Variants in EPB41L4A observed in about 807,000 individuals in gnomAD.
The protein encoded by EPB41L4A is band 4.1-like protein 4A.
EPB41L4A carries 100 observed loss-of-function variants against 108.6 expected under a neutral mutation model. The ratio of observed to expected loss-of-function variants is 0.92; its 90% CI spans 0.78 to 1.09. The LOEUF (loss-of-function observed/expected upper bound fraction) is 1.09. EPB41L4A is among the 50% of genes least tolerant of loss of function. The probability of loss-of-function intolerance (pLI) is 0.00; values close to 1 mark genes in which losing one functional copy is unlikely to be tolerated. For missense variants in EPB41L4A, 1,030 were observed against 842.7 expected (o/e 1.22, Z -2.75); for synonymous variants, 319 against 289.0 (o/e 1.10, Z -1.05).
intron 2 of EPB41L4A, among the ~76,000 whole-genome samples, chr5:112,282,469 T>C (rs564731430): frequency 1.3e-5 from 2 of 152,368 alleles, no homozygotes; most frequent in South Asian, 4.1e-4. Flanking sequence ...GCTTAGAGGC[T>C]AAAACAACAC....
rs745918922 is a variant in EPB41L4A, at chr5:112,259,962, C to A, written c.660G>T (p.Glu220Asp). 111 of 1,613,824 alleles carry A rather than the reference C, an allele frequency of 6.9e-5. No individual in the cohort carries two copies. The Admixed American group carries it at 1.8e-3, about 27-fold the overall frequency. ...CAACCGGAGTTAATCCTAAGAAATA[C>A]TCAGACTTGTTTTCTCCCTGCAAAA... is the stretch of plus-strand genomic sequence containing the variant. Reference protein sequence around the residue: ...LHPVYGENKSEYFLGLTPVGV... With the variant: ...LHPVYGENKSDYFLGLTPVGV... Residue 220 changes from glutamate (E) to aspartate (D), a missense_variant, in exon 8 of 23, where the codon GAG (glutamate) becomes GAT (aspartate). Glu to Asp is a conservative substitution (Grantham distance 45). Coordinates refer to ENST00000261486, the MANE Select transcript of EPB41L4A (RefSeq NM_022140.5).
chr5:112,262,683 C>G, intron 6 of EPB41L4A, 102 bp from the exon 7 acceptor site: 3 of 1,002,636 alleles, frequency 3.0e-6, no homozygotes, highest in Non-Finnish European at 4.5e-6. Context: ...ACAAATAATA[C>G]TTTTTACTAA....
chr5:112,182,198 T>C (rs1180972263), intron 18 of EPB41L4A, among the ~76,000 whole-genome samples: 4 of 152,188 alleles, frequency 2.6e-5, no homozygotes, highest in Non-Finnish European at 5.9e-5. Flanking sequence ...ATGGATACAT[T>C]TGTCAAAATT....
intron 1 of EPB41L4A, among the ~76,000 whole-genome samples, chr5:112,394,097 A>G (rs13272837): frequency 3.9e-5 from 6 of 152,208 alleles, no homozygotes; most frequent in South Asian, 4.1e-4. Context: ...ACTCAAAATA[A>G]TAAGAGCTAT....
chr5:112,359,764 T>A lies in EPB41L4A; in HGVS notation c.100-52274A>T, dbSNP rs371370805. ...ACCGTGTTAGCCAGGATGGTCTCCA[T>A]CTCCTGACCTCGTGATCCACCCGCC... is the stretch of plus-strand genomic sequence containing the variant. On this transcript the variant is annotated intron_variant, in intron 1 of 22. Transcript: ENST00000261486. Among the ~76,000 whole-genome samples, 3 of 152,280 alleles carry A rather than the reference T, an allele frequency of 2.0e-5. No homozygotes were observed. The East Asian group carries it at 5.8e-4, about 30-fold the overall frequency.
chr5:112,262,487 T>C lies in EPB41L4A; in HGVS notation c.642+7A>G, dbSNP rs201799792. 14 of 1,610,008 alleles carry C rather than the reference T, an allele frequency of 8.7e-6. No homozygotes were observed. The Admixed American group carries it at 1.7e-4, about 19-fold the overall frequency. ...AAAATATTTTGTGTTAATTAAATGT[T>C]ACTCACATAGACGGGATGGAGGTCA... On this transcript the variant is annotated splice_region_variant and intron_variant, in intron 7 of 22. Coordinates refer to ENST00000261486, the MANE Select transcript of EPB41L4A (RefSeq NM_022140.5).
chr5:112,259,530 T>C (rs1751350527), intron 8 of EPB41L4A, among the ~76,000 whole-genome samples: 1 of 152,202 alleles, frequency 6.6e-6, no homozygotes, highest in South Asian at 2.1e-4. Flanking sequence ...ATTGTGGCAG[T>C]GCTGCCTTCC....
intron 14 of EPB41L4A, among the ~76,000 whole-genome samples, chr5:112,205,072 G>C (rs1427976): frequency 0.033 from 4,976 of 152,220 alleles, 310 homozygotes; most frequent in African/African-American, 0.11. Flanking sequence ...CTATTCATCA[G>C]CTATAGTTTT....
chr5:112,236,129 G>A (rs1373588998), intron 11 of EPB41L4A, among the ~76,000 whole-genome samples: 2 of 152,100 alleles, frequency 1.3e-5, no homozygotes, highest in African/African-American at 4.8e-5. Flanking sequence ...GAACCACTGA[G>A]GCATTTCACA....
intron 1 of EPB41L4A, among the ~76,000 whole-genome samples, chr5:112,350,043 T>C (rs2150728699): frequency 6.6e-6 from 1 of 152,314 alleles, no homozygotes; most frequent in East Asian, 1.9e-4. Context: ...ATGACAGAAA[T>C]ATTCTGTAAT....
chr5:112,168,830 A>G lies in EPB41L4A; in HGVS notation c.1851-10T>C. On this transcript the variant is annotated splice_polypyrimidine_tract_variant and intron_variant, in intron 21 of 22. Transcript: ENST00000261486. ...AAGATCTGTTTTTGAACTGCAGAGA[A>G]TGAGTTTTAGAATTAGTGACTGGAA... is the stretch of plus-strand genomic sequence containing the variant. 3 of 1,611,530 alleles carry G rather than the reference A, an allele frequency of 1.9e-6. No homozygotes were observed. Among genetic ancestry groups the G allele is most frequent in the South Asian group, 1.1e-5 (1 of 91,012 alleles).
chr5:112,353,058 G>A (rs1245718537), intron 1 of EPB41L4A, among the ~76,000 whole-genome samples: 1 of 152,188 alleles, frequency 6.6e-6, no homozygotes, highest in South Asian at 2.1e-4. Context: ...ACATACAGCA[G>A]TGTAGTGCCC....
chr5:112,219,815 C>T (rs1747918635), intron 12 of EPB41L4A, among the ~76,000 whole-genome samples: 2 of 152,196 alleles, frequency 1.3e-5, no homozygotes, highest in South Asian at 4.1e-4. Flanking sequence ...CCCATCTCAG[C>T]CTCCCAAGAA....
At chr5:112,215,959 G>C (rs901436705) in intron 12 of EPB41L4A, among the ~76,000 whole-genome samples, 2 of 152,026 alleles carry the variant, frequency 1.3e-5, no homozygotes, top group African/African-American at 4.8e-5. Flanking sequence ...AATTCCCTGT[G>C]GTTTATACAG....
Position 112,243,494 on chromosome 5 carries a change from G to A in EPB41L4A, c.796-2684C>T, listed in dbSNP as rs111935725. Reference sequence around the variant, plus strand: ...CTAAAGAGACAGTCACCCTGTCCTCGGAAGCTTTAATGCAGGCATTGACTT... The same window carrying A: ...CTAAAGAGACAGTCACCCTGTCCTCAGAAGCTTTAATGCAGGCATTGACTT... On this transcript the variant is annotated intron_variant, in intron 9 of 22. Transcript: ENST00000261486. Among the ~76,000 whole-genome samples, 26 of 152,134 alleles carry A rather than the reference G, an allele frequency of 1.7e-4. 1 individual carries two copies. The highest frequency in any genetic ancestry group is 5.8e-4 in the African/African-American group (24 of 41,476).
At chr5:112,341,902 A>T (rs185640999) in intron 1 of EPB41L4A, among the ~76,000 whole-genome samples, 34 of 152,318 alleles carry the variant, frequency 2.2e-4, no homozygotes, top group Admixed American at 2.2e-3. Context: ...CCCAAATCCT[A>T]TATATAATCT....
At chr5:112,392,612 G>A (rs376527087) in intron 1 of EPB41L4A, 1 of 152,190 alleles carries the variant, frequency 6.6e-6, no homozygotes, top group Non-Finnish European at 1.5e-5. Flanking sequence ...GACCTATAAA[G>A]AGACTTAGAC....
chr5:112,282,781 ACTGT>A (rs1753051065), intron 2 of EPB41L4A, among the ~76,000 whole-genome samples: 1 of 152,218 alleles, frequency 6.6e-6, no homozygotes, highest in African/African-American at 2.4e-5. Flanking sequence ...TGGTCTTATT[ACTGT>A]CTGTCTAATC....
rs1181075313 is a variant in EPB41L4A at position 112,235,282 on chromosome 5, C to G, written c.966-527G>C. Among the ~76,000 whole-genome samples, 4 of 152,304 alleles carry G rather than the reference C, an allele frequency of 2.6e-5. No individual in the cohort carries two copies. The East Asian group carries it at 7.7e-4, about 29-fold the overall frequency. On this transcript the variant is annotated intron_variant, in intron 11 of 22. Coordinates refer to ENST00000261486, the MANE Select transcript of EPB41L4A (RefSeq NM_022140.5). ...GGAAGACTGAAGGCAGGCCTAGAAC[C>G]CCATGCAAAGCACTGCTGCTCTATA...
Sources: gnomAD v4.1 joint callset for allele counts (sites outside exome capture counted in the v4.1 genomes callset) on GRCh38, gnomAD v4.1.1 for gene constraint, MANE v1.5 for transcripts, NCBI Gene and HGNC (gene_info 2026-07-23, HGNC 2026-07-21) for gene names.